The following TAMM41 variants were observed in gnomAD, a reference collection of about 807,000 sequenced individuals.
TAMM41 encodes the protein phosphatidate cytidylyltransferase, mitochondrial.
Under a neutral mutation model 44.1 loss-of-function variants are expected in TAMM41, and 36 were observed. The observed-to-expected ratio is 0.82, with a 90% confidence interval of 0.63 to 1.08. The LOEUF (loss-of-function observed/expected upper bound fraction) is 1.08. Ranked by LOEUF, TAMM41 falls within the 50% of genes least tolerant of loss-of-function variation. TAMM41 has a pLI of 0.00. For missense variants in TAMM41, 417 were observed against 404.3 expected (o/e 1.03, Z -0.27); for synonymous variants, 164 against 153.1 (o/e 1.07, Z -0.53).
intron 4 of TAMM41, among the ~76,000 whole-genome samples, chr3:11,818,936 C>A (rs968554728): frequency 2.0e-5 from 3 of 151,316 alleles, no homozygotes; most frequent in African/African-American, 7.3e-5. Flanking sequence ...GCCTCTGGAA[C>A]CCGATCTTGG....
chr3:11,846,708 AG>A lies in TAMM41; in HGVS notation c.-73del. 1 of 1,599,412 alleles carries A rather than the reference AG, an allele frequency of 6.3e-7. No individual in the cohort carries two copies. Among genetic ancestry groups the A allele is most frequent in the Non-Finnish European group, 8.5e-7 (1 of 1,170,988 alleles). ...ACCGGGCGGGGAACAGACACCGGGT[AG>A]GCGGTTTAGGGTGGGAAATGGAAGT... On this transcript the variant is annotated 5_prime_UTR_variant, in exon 1 of 8. Coordinates refer to ENST00000455809, the MANE Select transcript of TAMM41 (RefSeq NM_001284401.2).
intron 5 of TAMM41, among the ~76,000 whole-genome samples, chr3:11,813,486 C>T (rs575001788): frequency 1.4e-4 from 21 of 152,124 alleles, no homozygotes; most frequent in South Asian, 4.2e-4. Context: ...GCCGAGATTG[C>T]GCCACTGCAC....
intron 2 of TAMM41, among the ~76,000 whole-genome samples, chr3:11,840,236 A>ATTTT: frequency 6.9e-6 from 1 of 145,362 alleles, no homozygotes; most frequent in African/African-American, 2.5e-5. Context: ...AATTAAACTC[A>ATTTT]TTTTTTTTTT....
chr3:11,792,431 G>A (rs1010546867), intron 7 of TAMM41, among the ~76,000 whole-genome samples: 1 of 152,034 alleles, frequency 6.6e-6, no homozygotes, highest in Non-Finnish European at 1.5e-5. Context: ...TCTAACAAGG[G>A]GTCCACAGAT....
chr3:11,828,248 T>C (rs1171828401), intron 4 of TAMM41, among the ~76,000 whole-genome samples: 1 of 152,218 alleles, frequency 6.6e-6, no homozygotes. Flanking sequence ...TCTACCTTCA[T>C]TACTCTCTTC....
chr3:11,774,702 A>G, the TAMM41 span, among the ~76,000 whole-genome samples: 1 of 152,218 alleles, frequency 6.6e-6, no homozygotes, highest in South Asian at 2.1e-4. Context: ...TGGCAGATTC[A>G]GTGTCTAGTG....
chr3:11,727,261 A>G, the TAMM41 span, among the ~76,000 whole-genome samples: 4 of 152,194 alleles, frequency 2.6e-5, no homozygotes, highest in Non-Finnish European at 5.9e-5. Flanking sequence ...TGGTGGTCCA[A>G]TTCCGGAGTC....
intron 3 of TAMM41, among the ~76,000 whole-genome samples, chr3:11,835,755 G>A (rs73813062): frequency 3.2e-4 from 49 of 152,280 alleles, no homozygotes; most frequent in African/African-American, 1.1e-3. Flanking sequence ...ACAGAGAGAA[G>A]GCAAAGACCA....
chr3:11,737,284 CATTATTATTATT>C, the TAMM41 span, among the ~76,000 whole-genome samples: 35,834 of 131,520 alleles, frequency 0.27, 5,025 homozygotes, highest in East Asian at 0.36. Context: ...TGTTGGCTTA[CATTATTATTATT>C]ATTATTATTA....
rs147014978 is a variant in TAMM41, at chr3:11,836,021, G to A, written c.411+3201C>T. 2.6e-3 allele frequency among the ~76,000 whole-genome samples: 372 copies of A among 142,526 alleles called. 5 individuals are homozygous for A. The highest frequency in any genetic ancestry group is 9.6e-3 in the African/African-American group (364 of 38,058). 93.5% of individuals were successfully genotyped at this position (142,526 alleles called of 152,430 possible). ...TTTTTTTTTTTTGAGACTGGGTCTC[G>A]CTGCGTCACCTAGGCTGGAGTGCGG... On this transcript the variant is annotated intron_variant, in intron 3 of 7. Coordinates refer to ENST00000455809, the MANE Select transcript of TAMM41 (RefSeq NM_001284401.2).
At chr3:11,832,645 GAGA>G (rs1044041959) in intron 3 of TAMM41, among the ~76,000 whole-genome samples, 2 of 152,146 alleles carry the variant, frequency 1.3e-5, no homozygotes, top group Non-Finnish European at 2.9e-5. Context: ...ATTTCTCCAA[GAGA>G]AGTAGTGGCG....
intron 3 of TAMM41, among the ~76,000 whole-genome samples, chr3:11,832,344 T>G (rs1373101467): frequency 1.3e-5 from 2 of 151,718 alleles, no homozygotes; most frequent in East Asian, 3.9e-4. Context: ...CACATGCCAA[T>G]TACTACGTTG....
chr3:11,846,358 G>A (rs1381466161), intron 1 of TAMM41, 144 bp downstream of exon 1: 12 of 967,562 alleles, frequency 1.2e-5, no homozygotes, highest in Admixed American at 6.8e-5. Flanking sequence ...GTTATACTAG[G>A]AAGGCAGGCC....
At chr3:11,784,204 C>A in the TAMM41 span, among the ~76,000 whole-genome samples, 3 of 152,246 alleles carry the variant, frequency 2.0e-5, no homozygotes, top group East Asian at 3.9e-4. Flanking sequence ...GATATCATAA[C>A]CTTTTTAAAA....
At chr3:11,804,692 T>G (rs1247425589) in intron 7 of TAMM41, among the ~76,000 whole-genome samples, 1 of 152,130 alleles carries the variant, frequency 6.6e-6, no homozygotes, top group Non-Finnish European at 1.5e-5. Context: ...CAAACAAAAG[T>G]ACCTCATCTT....
intron 7 of TAMM41, among the ~76,000 whole-genome samples, chr3:11,805,000 T>TGG (rs200394924): frequency 6.9e-5 from 9 of 131,304 alleles, no homozygotes; most frequent in African/African-American, 2.7e-4. Flanking sequence ...CCAGCCCTTT[T>TGG]TTTTTTTTTT....
At chr3:11,814,982 A>G (rs926995276) in intron 5 of TAMM41, among the ~76,000 whole-genome samples, 1 of 152,158 alleles carries the variant, frequency 6.6e-6, no homozygotes, top group African/African-American at 2.4e-5. Context: ...AAGAAAGAAA[A>G]GAAAGAAAGA....
chr3:11,727,491 G>T, the TAMM41 span, among the ~76,000 whole-genome samples: 44,357 of 152,032 alleles, frequency 0.29, 6,697 homozygotes, highest in Middle Eastern at 0.36. Context: ...TTCAGACAGG[G>T]TCTTGCTCTG....
At chr3:11,787,180 T>A (rs1215196911), downstream of TAMM41, among the ~76,000 whole-genome samples, 3 of 152,150 alleles carry the variant, frequency 2.0e-5, no homozygotes, top group Non-Finnish European at 4.4e-5. Context: ...GGAAGCTGTG[T>A]CACCTTTTAG....
Sources: allele counts gnomAD v4.1 joint callset (sites outside exome capture counted in the v4.1 genomes callset), GRCh38; gene constraint gnomAD v4.1.1; transcripts MANE v1.5; gene names NCBI Gene and HGNC (gene_info 2026-07-23, HGNC 2026-07-21).